Variants in MCC observed in about 807,000 individuals in gnomAD.
The protein encoded by MCC is MCC regulator of Wnt signaling pathway, also known as colorectal mutant cancer protein.
In MCC, 90 loss-of-function variants were observed where a neutral mutation model predicts 116.2. The ratio of observed to expected loss-of-function variants is 0.77; its 90% CI spans 0.65 to 0.92. MCC has a LOEUF of 0.92. Among genes scored for constraint, MCC ranks in the 40% least tolerant of loss-of-function variants. The probability of loss-of-function intolerance (pLI) is 0.00; values close to 1 mark genes in which losing one functional copy is unlikely to be tolerated. For synonymous variants in MCC, 578 were observed against 510.5 expected, an observed-to-expected ratio of 1.13 and a Z score of -1.78; for missense variants, 1,516 against 1,312.2, an observed-to-expected ratio of 1.16 and a Z score of -2.40.
intron 3 of MCC, among the ~76,000 whole-genome samples, chr5:113,276,261 C>T (rs753301574): frequency 1.1e-4 from 16 of 152,144 alleles, no homozygotes; most frequent in Non-Finnish European, 1.6e-4. Flanking sequence ...AGACTGAGTA[C>T]GCAGGCCTGG....
intron 8 of MCC, among the ~76,000 whole-genome samples, chr5:113,085,669 T>C (rs1393753568): frequency 6.6e-6 from 1 of 152,136 alleles, no homozygotes; most frequent in East Asian, 1.9e-4. Context: ...CCCTGGAAGC[T>C]TCCAGGATGG....
chr5:113,226,047 G>A (rs1763722308), intron 3 of MCC, among the ~76,000 whole-genome samples: 1 of 152,226 alleles, frequency 6.6e-6, no homozygotes, highest in African/African-American at 2.4e-5. Context: ...GCGGTGGCAG[G>A]TGCCTGTAAT....
At chr5:113,474,662 G>T (rs1335903914) in intron 1 of MCC, among the ~76,000 whole-genome samples, 1 of 152,142 alleles carries the variant, frequency 6.6e-6, no homozygotes, top group African/African-American at 2.4e-5. Flanking sequence ...TCCTGGAGGG[G>T]GCAAGCCTGC....
At chr5:113,440,868 C>A (rs1372903559) in intron 1 of MCC, among the ~76,000 whole-genome samples, 1 of 152,108 alleles carries the variant, frequency 6.6e-6, no homozygotes, top group Non-Finnish European at 1.5e-5. Context: ...AATGAAAGAT[C>A]CACCTGACTT....
At chr5:113,307,904 C>T (rs1487992175) in intron 3 of MCC, among the ~76,000 whole-genome samples, 1 of 152,096 alleles carries the variant, frequency 6.6e-6, no homozygotes, top group Non-Finnish European at 1.5e-5. Context: ...AAGCTCATTC[C>T]CACATTAATG....
chr5:113,190,979 G>C (rs187757394), intron 3 of MCC, among the ~76,000 whole-genome samples: 1 of 152,218 alleles, frequency 6.6e-6, no homozygotes, highest in East Asian at 1.9e-4. Context: ...TGCCTGGCAC[G>C]AAGCAGGCAT....
At chr5:113,415,643 C>G (rs1454975917) in intron 1 of MCC, among the ~76,000 whole-genome samples, 1 of 152,176 alleles carries the variant, frequency 6.6e-6, no homozygotes, top group Non-Finnish European at 1.5e-5. Flanking sequence ...CTCCTCTACA[C>G]TGTTTATTCT....
At position 113,104,348 on chromosome 5, in the gene MCC, G is replaced by A; in HGVS notation, c.1035C>T (p.Cys345=). Residue 345 remains cysteine, a synonymous_variant, in exon 7 of 19, where the codon TGC becomes TGT. Coordinates refer to ENST00000408903, the MANE Select transcript of MCC (RefSeq NM_001085377.2). ...TCTGCAGTTCTGAGTTCAGGTCACTGCAGTTGTCTGTGAGTGAATGAAGAC... is the reference window on the plus strand; with the variant it reads ...TCTGCAGTTCTGAGTTCAGGTCACTACAGTTGTCTGTGAGTGAATGAAGAC... ...STMVTADMDN[C]SDLNSELQRV... 6.2e-7 allele frequency: 1 copy of A among 1,606,990 alleles called. No individual in the cohort carries two copies. Among genetic ancestry groups the A allele is most frequent in the Non-Finnish European group, 8.5e-7 (1 of 1,176,076 alleles).
At chr5:113,061,465 G>T (rs1291314159) in intron 14 of MCC, among the ~76,000 whole-genome samples, 1 of 152,158 alleles carries the variant, frequency 6.6e-6, no homozygotes, top group African/African-American at 2.4e-5. Flanking sequence ...TGTTGATAAA[G>T]CCATCCAGGC....
At chr5:113,089,497 G>C (rs1337202823) in intron 8 of MCC, among the ~76,000 whole-genome samples, 1 of 152,220 alleles carries the variant, frequency 6.6e-6, no homozygotes, top group Non-Finnish European at 1.5e-5. Flanking sequence ...GGTTCAGATA[G>C]GAAATTATGA....
intron 3 of MCC, among the ~76,000 whole-genome samples, chr5:113,183,303 G>T (rs772134910): frequency 6.6e-6 from 1 of 152,196 alleles, no homozygotes; most frequent in Non-Finnish European, 1.5e-5. Flanking sequence ...AGGAGACAGA[G>T]AAATGTCTTT....
At chr5:113,039,903 T>G (rs1751582978) in intron 17 of MCC, among the ~76,000 whole-genome samples, 1 of 152,120 alleles carries the variant, frequency 6.6e-6, no homozygotes, top group Non-Finnish European at 1.5e-5. Flanking sequence ...AGCTGCCTTT[T>G]TATAGATCAC....
Position 113,085,214 on chromosome 5 carries a change from T to C in MCC, c.1495A>G (p.Thr499Ala). The C allele has an allele frequency of 6.8e-6, 11 of 1,614,176 alleles. No homozygotes were observed. The highest frequency in any genetic ancestry group is 8.5e-6 in the Non-Finnish European group (10 of 1,180,022). Residue 499 changes from threonine (T) to alanine (A), a missense_variant, in exon 9 of 19, where the codon ACT (threonine) becomes GCT (alanine). Thr to Ala is a moderately conservative substitution (Grantham distance 58). Transcript: ENST00000408903. Reference protein sequence around the residue: ...TSTNRPINPSTGELSTSSSSN... With the variant: ...TSTNRPINPSAGELSTSSSSN... ...CTGCTGCTTGTGCTCAGCTCCCCAG[T>C]GCTGGGGTTAATCGGGCGGTTGGTG...
At chr5:113,154,077 A>T (rs1329097559) in intron 3 of MCC, among the ~76,000 whole-genome samples, 1 of 152,150 alleles carries the variant, frequency 6.6e-6, no homozygotes, top group Non-Finnish European at 1.5e-5. Flanking sequence ...GAGCATTCTC[A>T]TGTTTTAGTG....
intron 3 of MCC, among the ~76,000 whole-genome samples, chr5:113,166,646 A>G (rs920071376): frequency 5.3e-5 from 8 of 151,524 alleles, no homozygotes; most frequent in Admixed American, 1.3e-4. Flanking sequence ...AAACAGGACT[A>G]TAAGATCCCA....
rs539952782 is a variant in MCC at position 113,143,331 on chromosome 5, A to C, written c.771T>G (p.His257Gln). Residue 257 changes from histidine (H) to glutamine (Q), a missense_variant, in exon 5 of 19, where the codon CAT becomes CAG. By Grantham distance (24) the His-to-Gln change is conservative. Transcript: ENST00000408903. ...QCEQSHLMREHEDVQERTTLR... is the reference protein window; with the variant it reads ...QCEQSHLMREQEDVQERTTLR... ...GTGTCGTTCGCTCCTGGACATCCTCATGCTCTCTCATGAGGTGGGACTGCT... is the reference window on the plus strand; with the variant it reads ...GTGTCGTTCGCTCCTGGACATCCTCCTGCTCTCTCATGAGGTGGGACTGCT... The C allele has an allele frequency of 1.1e-5, 18 of 1,613,690 alleles. No homozygotes were observed. The highest frequency in any genetic ancestry group is 6.7e-5 in the Admixed American group (4 of 59,896).
intron 5 of MCC, among the ~76,000 whole-genome samples, chr5:113,133,054 C>T (rs1423062729): frequency 1.3e-5 from 2 of 151,872 alleles, no homozygotes; most frequent in African/African-American, 2.4e-5. Flanking sequence ...TTTCAGGGTA[C>T]CTGTGACATT....
intron 3 of MCC, among the ~76,000 whole-genome samples, chr5:113,208,374 A>C (rs1762995762): frequency 6.6e-6 from 1 of 152,144 alleles, no homozygotes; most frequent in Non-Finnish European, 1.5e-5. Flanking sequence ...GAGTGCCTTG[A>C]ACTACTGCAG....
At chr5:113,378,575 A>G (rs1442969934) in intron 2 of MCC, among the ~76,000 whole-genome samples, 1 of 152,192 alleles carries the variant, frequency 6.6e-6, no homozygotes, top group Non-Finnish European at 1.5e-5. Context: ...GCTCTCTGAG[A>G]CCTGACCAAA....
Sources: gnomAD v4.1 joint callset for allele counts (sites outside exome capture counted in the v4.1 genomes callset) on GRCh38, gnomAD v4.1.1 for gene constraint, MANE v1.5 for transcripts, NCBI Gene and HGNC (gene_info 2026-07-23, HGNC 2026-07-21) for gene names.